The following TNKS variants were observed in gnomAD, a reference collection of about 807,000 sequenced individuals.
The protein encoded by TNKS is poly [ADP-ribose] polymerase tankyrase-1.
Under a neutral mutation model 135.8 loss-of-function variants are expected in TNKS, and 72 were observed. The ratio of observed to expected loss-of-function variants is 0.53; its 90% CI spans 0.44 to 0.64. The LOEUF (loss-of-function observed/expected upper bound fraction) is 0.64. TNKS is among the 30% of genes least tolerant of loss of function. TNKS has a pLI of 0.00. For missense variants in TNKS, 1,769 were observed against 1,674.0 expected (o/e 1.06, Z -0.99); for synonymous variants, 849 against 649.3 (o/e 1.31, Z -4.68).
At chr8:9,729,414 C>A (rs533433794) in intron 13 of TNKS, among the ~76,000 whole-genome samples, 1 of 152,136 alleles carries the variant, frequency 6.6e-6, no homozygotes, top group African/African-American at 2.4e-5. Flanking sequence ...CTGAAAATCC[C>A]CAGGGACCCT....
chr8:9,722,998 T>G (rs1303150280), intron 12 of TNKS, among the ~76,000 whole-genome samples: 2 of 152,170 alleles, frequency 1.3e-5, no homozygotes, highest in Non-Finnish European at 2.9e-5. Flanking sequence ...ATTATTTTGA[T>G]AAATCTCCTT....
intron 3 of TNKS, among the ~76,000 whole-genome samples, chr8:9,660,641 AC>A (rs1300126266): frequency 7.9e-5 from 12 of 152,190 alleles, no homozygotes; most frequent in Non-Finnish European, 1.3e-4. Flanking sequence ...TACTGAATGG[AC>A]AAAAACTGGA....
chr8:9,608,453 T>C (rs923915324), intron 2 of TNKS, among the ~76,000 whole-genome samples: 2 of 152,148 alleles, frequency 1.3e-5, no homozygotes, highest in Non-Finnish European at 2.9e-5. Context: ...TTAGGTTCTC[T>C]TTACTTTCTC....
intron 2 of TNKS, among the ~76,000 whole-genome samples, chr8:9,588,066 T>C (rs183592301): frequency 1.1e-4 from 17 of 152,342 alleles, no homozygotes; most frequent in Admixed American, 1.1e-3. Flanking sequence ...AGTGGACTCA[T>C]ATTTGTGCTT....
At position 9,706,981 on chromosome 8, in the gene TNKS, T is replaced by G; in HGVS notation, c.1440T>G (p.Leu480=). The change falls in exon 8 of 27, where the codon CTT becomes CTG. Residue 480 remains leucine, a synonymous_variant. Coordinates refer to ENST00000310430, the MANE Select transcript of TNKS (RefSeq NM_003747.3). Reference sequence around the variant, plus strand: ...TGGATATGGCTCCAACTCCGGAGCTTAGGGAGAGATTGACTTGTACGTATT... The same window carrying G: ...TGGATATGGCTCCAACTCCGGAGCTGAGGGAGAGATTGACTTGTACGTATT... ...SAVDMAPTPE[L]RERLTYEFKG... is the part of the protein sequence containing the mutation. The G allele has an allele frequency of 1.3e-6, 2 of 1,597,210 alleles. No individual in the cohort carries two copies. The highest frequency in any genetic ancestry group is 2.3e-5 in the South Asian group (2 of 88,408).
At position 9,779,192 on chromosome 8, in the gene TNKS, G is replaced by C. The variant is rs192388392; in HGVS notation, c.*2456G>C. 2 of 152,502 alleles carry C rather than the reference G, an allele frequency of 1.3e-5. No homozygotes were observed. Among genetic ancestry groups the C allele is most frequent in the Non-Finnish European group, 2.9e-5 (2 of 68,014 alleles). 9.4% of individuals were successfully genotyped at this position (152,502 alleles called of 1,614,324 possible). A position where few individuals can be genotyped will look rare whatever the true frequency, so the allele number is the denominator to read the frequency against. Reference sequence around the variant, plus strand: ...AGAGGAGCCAAATACATTTTTTTCAGAACTTGAAAACCAAAGGTCATCATG... The same window carrying C: ...AGAGGAGCCAAATACATTTTTTTCACAACTTGAAAACCAAAGGTCATCATG... On this transcript the variant is annotated 3_prime_UTR_variant, in exon 27 of 27. Transcript: ENST00000310430.
At chr8:9,776,541 A>G (rs1808234267) in intron 26 of TNKS, 109 bp from the exon 27 acceptor site, 3 of 922,336 alleles carry the variant, frequency 3.3e-6, no homozygotes, top group Non-Finnish European at 3.4e-6. Flanking sequence ...AACTGAGTCT[A>G]TATAGAATAT....
At position 9,648,995 on chromosome 8, in the gene TNKS, T is replaced by G. The variant is rs180912611; in HGVS notation, c.995-30956T>G. Among the ~76,000 whole-genome samples the G allele has an allele frequency of 3.3e-5, 5 of 152,036 alleles. No individual in the cohort carries two copies. The South Asian group carries it at 6.2e-4, about 19-fold the overall frequency. ...TTTAGGGTATAGACTTAGAAAGTAGTGTCATACATAAACAGGATTAGTAAA... is the reference window on the plus strand; with the variant it reads ...TTTAGGGTATAGACTTAGAAAGTAGGGTCATACATAAACAGGATTAGTAAA... On this transcript the variant is annotated intron_variant, in intron 3 of 26. Transcript: ENST00000310430.
chr8:9,739,115 G>A (rs1441808236), intron 17 of TNKS, among the ~76,000 whole-genome samples: 1 of 140,632 alleles, frequency 7.1e-6, no homozygotes, highest in Non-Finnish European at 1.5e-5. Flanking sequence ...GAGTGAACAG[G>A]CAACCTACAA....
At chr8:9,585,527 T>A (rs1798342620) in intron 2 of TNKS, among the ~76,000 whole-genome samples, 3 of 152,138 alleles carry the variant, frequency 2.0e-5, no homozygotes, top group Non-Finnish European at 4.4e-5. Context: ...ATAAGTTGCC[T>A]ACAGAGGGAA....
chr8:9,745,514 C>G (rs1806188456), intron 17 of TNKS, among the ~76,000 whole-genome samples: 1 of 152,152 alleles, frequency 6.6e-6, no homozygotes, highest in Non-Finnish European at 1.5e-5. Context: ...AAGCGATTCT[C>G]CTGCCTCAGC....
In TNKS at chr8:9,580,319, G is replaced by C. The variant is rs1288126923; in HGVS notation, c.834G>C (p.Arg278Ser). 6.2e-7 allele frequency: 1 copy of C among 1,613,970 alleles called. No individual in the cohort carries two copies. The highest frequency in any genetic ancestry group is 8.5e-7 in the Non-Finnish European group (1 of 1,180,026). The change falls in exon 2 of 27, where the codon AGG becomes AGC. Residue 278 changes from arginine to serine, a missense_variant. Arg to Ser is a moderately radical substitution (Grantham distance 110). This residue lies in a region of TNKS where 523 missense variants were observed against 541.0 expected (regional missense o/e 0.97). Coordinates refer to ENST00000310430, the MANE Select transcript of TNKS (RefSeq NM_003747.3). Reference protein sequence around the residue: ...LLCQGADPNARDNWNYTPLHE... With the variant: ...LLCQGADPNASDNWNYTPLHE... ...GCCAAGGAGCTGATCCAAATGCCAG[G>C]GATAACTGGAACTATACACCTCTGC... is the stretch of plus-strand genomic sequence containing the variant.
chr8:9,772,568 T>G lies in TNKS; in HGVS notation c.3897+2306T>G, dbSNP rs184133026. ...AAGAGACATGAAAACGAAGTTAACC[T>G]TCTGCCCCCAACTGCATCCAGTATT... On this transcript the variant is annotated intron_variant, in intron 26 of 26. Coordinates refer to ENST00000310430, the MANE Select transcript of TNKS (RefSeq NM_003747.3). The G allele has an allele frequency of 3.0e-3, 1,100 of 368,724 alleles. 9 individuals carry two copies. Among genetic ancestry groups the G allele is most frequent in the Middle Eastern group, 0.012 (13 of 1,112 alleles). 22.8% of individuals were successfully genotyped at this position (368,724 alleles called of 1,614,324 possible). A position where few individuals can be genotyped will look rare whatever the true frequency, so the allele number is the denominator to read the frequency against.
At chr8:9,620,388 A>C (rs1214869250) in intron 3 of TNKS, among the ~76,000 whole-genome samples, 1 of 152,170 alleles carries the variant, frequency 6.6e-6, no homozygotes, top group Non-Finnish European at 1.5e-5. Context: ...CTGTTTCACG[A>C]CAGCAGTAGC....
chr8:9,580,306 A>T lies in TNKS; in HGVS notation c.821A>T (p.Asp274Val). 1 of 1,614,176 alleles carries T rather than the reference A, an allele frequency of 6.2e-7. No homozygotes were observed. The highest frequency in any genetic ancestry group is 2.2e-5 in the East Asian group (1 of 44,888). The stretch of plus-strand genomic sequence containing the variant: ...AGTCTGTTATTGTGCCAAGGAGCTG[A>T]TCCAAATGCCAGGGATAACTGGAAC... ...VVSLLLCQGADPNARDNWNYT... is the reference protein window; with the variant it reads ...VVSLLLCQGAVPNARDNWNYT... Residue 274 changes from aspartate (D) to valine (V), a missense_variant, in exon 2 of 27, where the codon GAT (aspartate) becomes GTT (valine). Physicochemically the swap from Asp to Val is radical, Grantham distance 152 (BLOSUM62 -3). Around this residue, in one of 5 missense-constraint regions of TNKS, gnomAD observed 523 missense variants for 541.0 expected, o/e 0.97. Transcript: ENST00000310430.
At chr8:9,603,083 C>T (rs1216106167) in intron 2 of TNKS, among the ~76,000 whole-genome samples, 4 of 151,580 alleles carry the variant, frequency 2.6e-5, no homozygotes, top group East Asian at 3.9e-4. Flanking sequence ...GATGGAGTCT[C>T]GCTTTATCGC....
intron 3 of TNKS, among the ~76,000 whole-genome samples, chr8:9,654,927 G>A (rs558984926): frequency 6.6e-5 from 10 of 152,358 alleles, no homozygotes; most frequent in African/African-American, 9.6e-5. Flanking sequence ...CGCACCATGC[G>A]TGAGCCGAAG....
chr8:9,720,556 A>G lies in TNKS; in HGVS notation c.1921+11A>G, dbSNP rs754287942. 6.2e-6 allele frequency: 10 copies of G among 1,601,038 alleles called. No individual in the cohort carries two copies. The highest frequency in any genetic ancestry group is 2.3e-5 in the East Asian group (1 of 43,984). On this transcript the variant is annotated intron_variant, in intron 12 of 26. Coordinates refer to ENST00000310430, the MANE Select transcript of TNKS (RefSeq NM_003747.3). ...AGCAGATTCTGAGTGGTGAGTTAAA[A>G]TAGACCAACAGGGCATTTTATGTTT...
chr8:9,564,055 A>G (rs1797434535), intron 1 of TNKS, among the ~76,000 whole-genome samples: 1 of 152,202 alleles, frequency 6.6e-6, no homozygotes, highest in South Asian at 2.1e-4. Context: ...AGTAGCATTT[A>G]AATTATGAAA....
Sources: allele counts gnomAD v4.1 joint callset (sites outside exome capture counted in the v4.1 genomes callset), GRCh38; gene constraint gnomAD v4.1.1; regional missense constraint gnomAD v4.1.1; transcripts MANE v1.5; gene names NCBI Gene and HGNC (gene_info 2026-07-23, HGNC 2026-07-21).